LAMA2: variants seen among roughly 807,000 people sequenced by gnomAD.
LAMA2 encodes the protein laminin subunit alpha-2.
LAMA2 carries 269 observed loss-of-function variants against 364.8 expected under a neutral mutation model. The observed-to-expected ratio is 0.74, with a 90% confidence interval of 0.67 to 0.82. The LOEUF is 0.82. Among genes scored for constraint, LAMA2 ranks in the 40% least tolerant of loss-of-function variants. The pLI is 0.00. For missense variants in LAMA2, 3,807 were observed against 3,873.2 expected (o/e 0.98, Z 0.45); for synonymous variants, 1,379 against 1,370.6 (o/e 1.01, Z -0.14).
At chr6:129,257,052 G>A (rs983813717) in intron 14 of LAMA2, among the ~76,000 whole-genome samples, 3 of 151,428 alleles carry the variant, frequency 2.0e-5, no homozygotes, top group Non-Finnish European at 3.0e-5. Context: ...TATTTTCAAG[G>A]CATAAAAATA....
intron 1 of LAMA2, among the ~76,000 whole-genome samples, chr6:128,917,734 C>CTTTCTTTCT (rs762146179): frequency 3.8e-4 from 43 of 111,744 alleles, no homozygotes; most frequent in African/African-American, 6.2e-4. Flanking sequence ...TTCTTTCTTT[C>CTTTCTTTCT]TTTTTTTTTT....
At chr6:129,416,153 T>G (rs1404302993) in intron 40 of LAMA2, among the ~76,000 whole-genome samples, 2 of 107,884 alleles carry the variant, frequency 1.9e-5, no homozygotes, top group South Asian at 3.3e-4. Flanking sequence ...GTTTCACCGT[T>G]TTAGCCGGGA....
At chr6:129,401,979 G>T (rs2114693685) in intron 38 of LAMA2, among the ~76,000 whole-genome samples, 1 of 152,154 alleles carries the variant, frequency 6.6e-6, no homozygotes, top group African/African-American at 2.4e-5. Context: ...AGGCCGAGGT[G>T]GGCAGACTGC....
chr6:129,087,057 G>C (rs956287586), intron 3 of LAMA2, among the ~76,000 whole-genome samples: 14 of 152,108 alleles, frequency 9.2e-5, no homozygotes, highest in Non-Finnish European at 1.6e-4. Context: ...ATTGAGCCCA[G>C]TGGATTATCC....
intron 35 of LAMA2, among the ~76,000 whole-genome samples, chr6:129,385,216 GAGGA>G (rs1778936676): frequency 8.5e-6 from 1 of 117,010 alleles, no homozygotes; most frequent in Non-Finnish European, 1.8e-5. Context: ...GGAAAGGAGG[GAGGA>G]AGGAAGAAAG....
At chr6:129,249,257 TG>T (rs2114272826) in intron 12 of LAMA2, among the ~76,000 whole-genome samples, 1 of 152,296 alleles carries the variant, frequency 6.6e-6, no homozygotes, top group Admixed American at 6.5e-5. Flanking sequence ...TCATCAGCTT[TG>T]TTTTATGAAT....
intron 28 of LAMA2, among the ~76,000 whole-genome samples, chr6:129,326,745 T>TATATATTATTTATATATATA (rs1775321006): frequency 7.0e-6 from 1 of 142,624 alleles, no homozygotes. Flanking sequence ...TTATATATTA[T>TATATATTATTTATATATATA]ATATATAATT....
chr6:129,502,864 T>A lies in LAMA2; in HGVS notation c.8357+93T>A, dbSNP rs1785759586. On this transcript the variant is annotated intron_variant, in intron 59 of 64. Coordinates refer to ENST00000421865, the MANE Select transcript of LAMA2 (RefSeq NM_000426.4). ...AGTTGAATCTACTACACTTATTAAT[T>A]AATGAAGTTAGCTTTTCTTTTATTC... 1.3e-5 allele frequency: 12 copies of A among 922,630 alleles called. No homozygotes were observed. In the East Asian group the frequency reaches 3.0e-4, roughly 23 times the overall value. 57.2% of individuals were successfully genotyped at this position (922,630 alleles called of 1,614,324 possible). A position where few individuals can be genotyped will look rare whatever the true frequency, so the allele number is the denominator to read the frequency against.
intron 35 of LAMA2, among the ~76,000 whole-genome samples, chr6:129,388,765 A>G (rs562374802): frequency 1.8e-4 from 27 of 152,306 alleles, no homozygotes; most frequent in Non-Finnish European, 2.9e-4. Context: ...GCATTTATTA[A>G]TATCATCTTC....
At chr6:129,454,398 T>A in intron 47 of LAMA2, 110 bp downstream of exon 47, 1 of 801,970 alleles carries the variant, frequency 1.2e-6, no homozygotes. Context: ...TGTGTATGCA[T>A]GTAAACACAT....
In LAMA2 at chr6:129,118,654, A is replaced by G. The variant is rs1484171002; in HGVS notation, c.639+20239A>G. 1.3e-5 allele frequency among the ~76,000 whole-genome samples: 2 copies of G among 152,224 alleles called. 1 individual carries two copies. The highest frequency in any genetic ancestry group is 2.9e-5 in the Non-Finnish European group (2 of 68,034). On this transcript the variant is annotated intron_variant, in intron 4 of 64. Transcript: ENST00000421865. Reference sequence around the variant, plus strand: ...TTAAAGTTGGAAATGAACCTGATATAAATCTCTTCCCAACTACTGTGATCC... The same window carrying G: ...TTAAAGTTGGAAATGAACCTGATATGAATCTCTTCCCAACTACTGTGATCC...
At chr6:129,196,988 C>A (rs535097622) in intron 12 of LAMA2, among the ~76,000 whole-genome samples, 2 of 152,208 alleles carry the variant, frequency 1.3e-5, no homozygotes, top group South Asian at 2.1e-4. Flanking sequence ...CCTCATTATA[C>A]CCTGCTCCCT....
intron 7 of LAMA2, among the ~76,000 whole-genome samples, chr6:129,150,615 G>A (rs1778733688): frequency 6.6e-6 from 1 of 152,146 alleles, no homozygotes; most frequent in African/African-American, 2.4e-5. Flanking sequence ...ATTTCAAACT[G>A]CTACTGTACA....
intron 32 of LAMA2, among the ~76,000 whole-genome samples, chr6:129,357,049 G>A (rs558954763): frequency 2.0e-5 from 3 of 152,068 alleles, no homozygotes; most frequent in East Asian, 3.9e-4. Flanking sequence ...CCCAAATTAA[G>A]ATTTCTTCTT....
intron 1 of LAMA2, among the ~76,000 whole-genome samples, chr6:128,910,836 T>A (rs1213215017): frequency 6.7e-6 from 1 of 149,958 alleles, no homozygotes; most frequent in Non-Finnish European, 1.5e-5. Flanking sequence ...CCTTTCTGTT[T>A]ATTAGTTTTC....
chr6:129,381,151 A>G (rs1035510995), intron 34 of LAMA2, among the ~76,000 whole-genome samples: 1 of 152,190 alleles, frequency 6.6e-6, no homozygotes, highest in Non-Finnish European at 1.5e-5. Context: ...TTTCTGTACC[A>G]TAAGAGACAC....
chr6:129,175,029 A>G (rs1381509265), intron 9 of LAMA2, among the ~76,000 whole-genome samples: 2 of 152,248 alleles, frequency 1.3e-5, no homozygotes, highest in African/African-American at 2.4e-5. Flanking sequence ...ATCAGAAATA[A>G]TGTTAAACTA....
At chr6:129,129,720 C>T (rs568681841) in intron 4 of LAMA2, among the ~76,000 whole-genome samples, 1 of 151,766 alleles carries the variant, frequency 6.6e-6, no homozygotes, top group Non-Finnish European at 1.5e-5. Context: ...GTCAGGAGAT[C>T]GAGACCATCC....
intron 55 of LAMA2, among the ~76,000 whole-genome samples, chr6:129,481,680 AC>A (rs1416645146): frequency 1.3e-5 from 2 of 152,064 alleles, no homozygotes; most frequent in African/African-American, 4.8e-5. Context: ...TCATATTTGC[AC>A]CTATATTTCC....
Sources: gnomAD v4.1 joint callset for allele counts (sites outside exome capture counted in the v4.1 genomes callset) on GRCh38, gnomAD v4.1.1 for gene constraint, MANE v1.5 for transcripts, NCBI Gene and HGNC (gene_info 2026-07-23, HGNC 2026-07-21) for gene names.